The following NSUN6 variants were observed in gnomAD, a reference collection of about 807,000 sequenced individuals.
The protein encoded by NSUN6 is NOP2/Sun RNA methyltransferase 6.
NSUN6 carries 64 observed loss-of-function variants against 58.0 expected under a neutral mutation model. That is an observed-to-expected ratio of 1.10 (90% CI 0.90 to 1.36). The LOEUF is 1.36. NSUN6 is among the 40% of genes most tolerant of loss of function. The pLI is 0.00. For synonymous variants in NSUN6, 231 were observed against 193.9 expected, an observed-to-expected ratio of 1.19 and a Z score of -1.59; for missense variants, 701 against 550.1, an observed-to-expected ratio of 1.27 and a Z score of -2.74.
chr10:18,635,084 T>C (rs923393414), intron 3 of NSUN6, among the ~76,000 whole-genome samples: 16 of 152,308 alleles, frequency 1.1e-4, no homozygotes, highest in Non-Finnish European at 1.9e-4. Flanking sequence ...GATTTTGGTA[T>C]GTGCTACGCA....
chr10:18,640,122 C>A (rs1473447999), intron 3 of NSUN6, among the ~76,000 whole-genome samples: 7 of 152,154 alleles, frequency 4.6e-5, no homozygotes, highest in Admixed American at 1.3e-4. Context: ...AATCGTGGAA[C>A]GATATCCATT....
At chr10:18,580,429 G>A (rs182630045) in intron 8 of NSUN6, among the ~76,000 whole-genome samples, 2 of 152,092 alleles carry the variant, frequency 1.3e-5, no homozygotes, top group Non-Finnish European at 2.9e-5. Context: ...TCCCTAAGAG[G>A]GACAGGCTTG....
chr10:18,651,680 T>TC, upstream of NSUN6: 1 of 985,374 alleles, frequency 1.0e-6, no homozygotes, highest in Non-Finnish European at 1.2e-6. Context: ...CCCTTTCCGG[T>TC]CCCCCAATCC....
At chr10:18,588,899 A>G (rs563631018) in intron 7 of NSUN6, among the ~76,000 whole-genome samples, 1 of 152,308 alleles carries the variant, frequency 6.6e-6, no homozygotes, top group African/African-American at 2.4e-5. Flanking sequence ...CAAGGGCACA[A>G]AACTGGACAG....
At chr10:18,588,175 G>A (rs1339644055) in intron 7 of NSUN6, among the ~76,000 whole-genome samples, 4 of 152,286 alleles carry the variant, frequency 2.6e-5, no homozygotes, top group East Asian at 1.9e-4. Flanking sequence ...AGAATTGACC[G>A]CAGCACAGCA....
At chr10:18,551,676 G>T in intron 9 of NSUN6, 147 bp downstream of exon 9, 1 of 610,368 alleles carries the variant, frequency 1.6e-6, no homozygotes, top group Non-Finnish European at 2.9e-6. Context: ...AGCACATTCT[G>T]TTATCCATGT....
At position 18,648,568 on chromosome 10, in the gene NSUN6, T is replaced by C; in HGVS notation, c.153A>G (p.Ser51=). 2 of 1,605,860 alleles carry C rather than the reference T, an allele frequency of 1.2e-6. No individual in the cohort carries two copies. The highest frequency in any genetic ancestry group is 1.3e-5 in the African/African-American group (1 of 74,930). ...GTGTATTCACTCTGACAGTTGTAAA[T>C]GATGGAGGATGTGACAGGTGCTTTA... The part of the protein sequence containing the change: ...TLLKHLSHPP[S]FTTVRVNTHL... Residue 51 remains serine (S), a synonymous_variant, in exon 2 of 11, where the codon TCA becomes TCG. Coordinates refer to ENST00000377304, the MANE Select transcript of NSUN6 (RefSeq NM_182543.5).
chr10:18,560,101 A>G (rs1431076093), intron 8 of NSUN6, among the ~76,000 whole-genome samples: 1 of 148,512 alleles, frequency 6.7e-6, no homozygotes, highest in Admixed American at 6.7e-5. Context: ...GAATGGAGAA[A>G]GGAAGGGAAG....
intron 3 of NSUN6, among the ~76,000 whole-genome samples, chr10:18,638,421 AAC>A (rs1331926011): frequency 2.0e-5 from 3 of 152,158 alleles, no homozygotes; most frequent in Admixed American, 6.6e-5. Context: ...CAGCCTGGGC[AAC>A]AGAGTGAGCC....
upstream of NSUN6, chr10:18,652,065 A>G (rs925865327): frequency 1.2e-5 from 12 of 985,302 alleles, no homozygotes; most frequent in Non-Finnish European, 1.3e-5. Flanking sequence ...CATAGGGTTC[A>G]TATTTTTGAA....
At chr10:18,556,832 G>A (rs942978987) in intron 8 of NSUN6, among the ~76,000 whole-genome samples, 7 of 151,264 alleles carry the variant, frequency 4.6e-5, no homozygotes, top group African/African-American at 1.7e-4. Flanking sequence ...GAATGCAATG[G>A]AGAATGCAAG....
chr10:18,624,695 T>C (rs1419243948), intron 3 of NSUN6, among the ~76,000 whole-genome samples: 1 of 135,070 alleles, frequency 7.4e-6, no homozygotes, highest in Admixed American at 7.3e-5. Flanking sequence ...GATCAGTGAA[T>C]GGAGTTGAAG....
At chr10:18,599,389 G>C (rs979240121) in intron 6 of NSUN6, among the ~76,000 whole-genome samples, 1 of 152,208 alleles carries the variant, frequency 6.6e-6, no homozygotes, top group Non-Finnish European at 1.5e-5. Context: ...ACTGTGCCCG[G>C]TGACAGAGTT....
chr10:18,549,629 G>A lies in NSUN6; in HGVS notation c.1072-1392C>T, dbSNP rs193124465. ...CTGTACCGTCAACATCTAGAATAGC[G>A]TCTTACATACAGGAGATCTATGAGT... On this transcript the variant is annotated intron_variant, in intron 9 of 10. Coordinates refer to ENST00000377304, the MANE Select transcript of NSUN6 (RefSeq NM_182543.5). Among the ~76,000 whole-genome samples, 6 of 152,212 alleles carry A rather than the reference G, an allele frequency of 3.9e-5. No homozygotes were observed. In the East Asian group the frequency reaches 5.8e-4, roughly 15 times the overall value.
chr10:18,573,081 C>CCACTCCATTCCATTCCATCCTCCGTTA (rs1385073521), intron 8 of NSUN6, among the ~76,000 whole-genome samples: 1 of 151,174 alleles, frequency 6.6e-6, no homozygotes, highest in Non-Finnish European at 1.5e-5. Flanking sequence ...ATTCTCCGTT[C>CCACTCCATTCCATTCCATCCTCCGTTA]CACTCCATTC....
chr10:18,551,683 A>G, intron 9 of NSUN6, 140 bp downstream of exon 9: 2 of 636,096 alleles, frequency 3.1e-6, no homozygotes, highest in Non-Finnish European at 5.6e-6. Context: ...TCTGTTATCC[A>G]TGTATCTGTC....
rs757222926 is a variant in NSUN6 at position 18,546,028 on chromosome 10, G to T, written c.1315C>A (p.Leu439Ile). ...VPLPDTDMDS[L>I]REARREDMLR... is the part of the protein sequence containing the mutation. ...ATGTCTTCTCTTCTGGCCTCTCTAAGAGAGTCCATGTCAGTGTCCGGTAAT... is the reference window on the plus strand; with the variant it reads ...ATGTCTTCTCTTCTGGCCTCTCTAATAGAGTCCATGTCAGTGTCCGGTAAT... Residue 439 changes from leucine to isoleucine, a missense_variant, in exon 11 of 11, where the codon CTT (leucine) becomes ATT (isoleucine). Coordinates refer to ENST00000377304, the MANE Select transcript of NSUN6 (RefSeq NM_182543.5). 3.8e-6 allele frequency: 6 copies of T among 1,597,400 alleles called. No individual in the cohort carries two copies. In the Admixed American group the frequency reaches 1.1e-4, roughly 29 times the overall value.
At chr10:18,610,588 A>G (rs764854061) in intron 5 of NSUN6, among the ~76,000 whole-genome samples, 7 of 152,198 alleles carry the variant, frequency 4.6e-5, no homozygotes, top group Non-Finnish European at 1.0e-4. Flanking sequence ...TGGTACTGAC[A>G]CAATCCCAAG....
intron 5 of NSUN6, among the ~76,000 whole-genome samples, chr10:18,610,749 G>A (rs569877769): frequency 8.5e-5 from 13 of 152,300 alleles, no homozygotes; most frequent in African/African-American, 3.1e-4. Flanking sequence ...CTGAAGCAGA[G>A]AAAGAACACG....
Sources: allele counts gnomAD v4.1 joint callset (sites outside exome capture counted in the v4.1 genomes callset), GRCh38; gene constraint gnomAD v4.1.1; transcripts MANE v1.5; gene names NCBI Gene and HGNC (gene_info 2026-07-23, HGNC 2026-07-21).